The following SND1 variants were observed in gnomAD, a reference collection of about 807,000 sequenced individuals.
SND1 encodes staphylococcal nuclease domain-containing protein 1.
Under a neutral mutation model 121.7 loss-of-function variants are expected in SND1, and 38 were observed. The ratio of observed to expected loss-of-function variants is 0.31; its 90% CI spans 0.24 to 0.41. The LOEUF (loss-of-function observed/expected upper bound fraction) is 0.41. Among genes scored for constraint, SND1 ranks in the 10% least tolerant of loss-of-function variants. The pLI, the probability that SND1 is intolerant of heterozygous loss-of-function variation, is 1.00. For missense variants in SND1, 868 were observed against 1,184.6 expected (o/e 0.73, Z 3.92); for synonymous variants, 401 against 447.4 (o/e 0.90, Z 1.31).
In SND1 at chr7:128,052,802, T is replaced by C. The variant is rs1793069082; in HGVS notation, c.1780-21700T>C. On this transcript the variant is annotated intron_variant, in intron 16 of 23. Transcript: ENST00000354725. This position sits in a 1 kb window ranked among gnomAD's most constrained non-coding sequence, Gnocchi z 4.6. The stretch of plus-strand genomic sequence containing the variant: ...TGAAAATCATTCCCTCGGATTTCAG[T>C]GTTACTTCGATGGGTCCCTTGGGGC... Among the ~76,000 whole-genome samples, 1 of 152,216 alleles carries C rather than the reference T, an allele frequency of 6.6e-6. No individual in the cohort carries two copies. Among genetic ancestry groups the C allele is most frequent in the Non-Finnish European group, 1.5e-5 (1 of 68,040 alleles).
rs1200433595 is a variant in SND1 at position 127,686,730 on chromosome 7, A to C, written c.196A>C (p.Thr66Pro). 1 of 1,614,192 alleles carries C rather than the reference A, an allele frequency of 6.2e-7. No homozygotes were observed. Among genetic ancestry groups the C allele is most frequent in the Non-Finnish European group, 8.5e-7 (1 of 1,180,016 alleles). The part of the protein sequence containing the change: ...AGNLARRAAA[T>P]QPDAKDTPDE... ...AAATCTTGCTCGCCGGGCAGCCGCC[A>C]CACAACCTGATGCAAAGGATACCCC... Residue 66 changes from threonine (T) to proline (P), a missense_variant, in exon 2 of 24, where the codon ACA (threonine) becomes CCA (proline). Thr to Pro is a conservative substitution (Grantham distance 38). Transcript: ENST00000354725.
intron 16 of SND1, chr7:128,028,728 T>C (rs1179434942): frequency 1.9e-6 from 3 of 1,614,108 alleles, no homozygotes; most frequent in East Asian, 2.2e-5. Flanking sequence ...CTGAATTATA[T>C]AAGGTTCAGA....
chr7:127,745,710 C>G (rs372679667), intron 10 of SND1, among the ~76,000 whole-genome samples: 9 of 152,178 alleles, frequency 5.9e-5, no homozygotes, highest in Non-Finnish European at 7.4e-5. Flanking sequence ...AGGGCTACCA[C>G]AAAGTTACTT....
chr7:127,723,382 TTTTTTCTTTA>T (rs1391466869), intron 10 of SND1, among the ~76,000 whole-genome samples: 1 of 152,216 alleles, frequency 6.6e-6, no homozygotes, highest in Non-Finnish European at 1.5e-5. Context: ...TTTTTTCTTC[TTTTTTCTTTA>T]TTCTTTCTTT....
chr7:127,915,205 G>A (rs1306417453), intron 14 of SND1, among the ~76,000 whole-genome samples: 1 of 151,994 alleles, frequency 6.6e-6, no homozygotes, highest in Non-Finnish European at 1.5e-5. Flanking sequence ...GTAGAGATGG[G>A]GTTTTGCCAT....
chr7:128,039,924 C>G (rs1413657516), intron 16 of SND1, among the ~76,000 whole-genome samples: 1 of 152,172 alleles, frequency 6.6e-6, no homozygotes, highest in Non-Finnish European at 1.5e-5. Flanking sequence ...AATTTAAAGG[C>G]AGCTATAAAT....
intron 16 of SND1, among the ~76,000 whole-genome samples, chr7:128,056,979 T>C (rs549077223): frequency 9.7e-4 from 148 of 152,254 alleles, no homozygotes; most frequent in Admixed American, 2.2e-3. Flanking sequence ...AGAGGGTTAC[T>C]AAGTGAGTTA....
intron 13 of SND1, among the ~76,000 whole-genome samples, chr7:127,890,769 A>C (rs1361238327): frequency 2.6e-5 from 4 of 152,162 alleles, no homozygotes; most frequent in African/African-American, 9.6e-5. Context: ...TTTAAAATGA[A>C]AACAGCCTTT....
intron 16 of SND1, chr7:128,032,237 GCCGCGCAGCC>G (rs975987232): frequency 6.7e-6 from 1 of 149,436 alleles, no homozygotes; most frequent in Non-Finnish European, 1.5e-5. Context: ...GCCGGCCGGC[GCCGCGCAGCC>G]CCGCGCCTCC....
intron 12 of SND1, among the ~76,000 whole-genome samples, chr7:127,847,744 C>G (rs1799093120): frequency 6.6e-6 from 1 of 152,110 alleles, no homozygotes; most frequent in Non-Finnish European, 1.5e-5. Context: ...GCTCACTGCC[C>G]GAAGTGCGTA....
chr7:127,828,649 T>A (rs954640157), intron 11 of SND1, among the ~76,000 whole-genome samples: 15 of 152,316 alleles, frequency 9.8e-5, no homozygotes, highest in Admixed American at 8.5e-4. Flanking sequence ...TGTCTAAAAT[T>A]TTCTGGAAAA....
At position 127,774,565 on chromosome 7, in the gene SND1, A is replaced by G. The variant is rs551001264; in HGVS notation, c.1153-32919A>G. 7.9e-5 allele frequency among the ~76,000 whole-genome samples: 12 copies of G among 151,610 alleles called. No homozygotes were observed. In the South Asian group the frequency reaches 2.5e-3, roughly 32 times the overall value. On this transcript the variant is annotated intron_variant, in intron 10 of 23. Coordinates refer to ENST00000354725, the MANE Select transcript of SND1 (RefSeq NM_014390.4). ...GTCACGGTAAGTGCACCATACAAGC[A>G]TATCATTTTTTATCATTTTTTTTTT...
intron 11 of SND1, among the ~76,000 whole-genome samples, chr7:127,841,862 G>T (rs1033359252): frequency 6.6e-6 from 1 of 152,094 alleles, no homozygotes; most frequent in Non-Finnish European, 1.5e-5. Flanking sequence ...TTAAAGCTAG[G>T]TATCTAATTT....
At chr7:127,936,533 T>C (rs1283957002) in intron 15 of SND1, among the ~76,000 whole-genome samples, 1 of 152,180 alleles carries the variant, frequency 6.6e-6, no homozygotes, top group East Asian at 1.9e-4. Context: ...ATTTTTTACT[T>C]TCTTTTTCTT....
chr7:128,017,265 C>T (rs1285581445), intron 16 of SND1, among the ~76,000 whole-genome samples: 1 of 152,166 alleles, frequency 6.6e-6, no homozygotes, highest in Non-Finnish European at 1.5e-5. Flanking sequence ...ATGTGGCTTA[C>T]CTGCAAACCT....
chr7:128,012,574 G>A (rs1329163514), intron 16 of SND1, among the ~76,000 whole-genome samples: 1 of 152,180 alleles, frequency 6.6e-6, no homozygotes, highest in Non-Finnish European at 1.5e-5. Context: ...CCTCAGCTCT[G>A]CATCCGTATG....
chr7:127,679,623 G>A (rs1795677024), intron 1 of SND1, among the ~76,000 whole-genome samples: 1 of 152,138 alleles, frequency 6.6e-6, no homozygotes, highest in Non-Finnish European at 1.5e-5. Flanking sequence ...GGAACCACTA[G>A]TCTATGTTCT....
chr7:127,945,309 G>A (rs990227093), intron 15 of SND1, among the ~76,000 whole-genome samples: 1 of 152,056 alleles, frequency 6.6e-6, no homozygotes, highest in Non-Finnish European at 1.5e-5. Context: ...TGGCTAACAC[G>A]GTGAAACCCC....
intron 10 of SND1, among the ~76,000 whole-genome samples, chr7:127,757,358 T>C (rs930668068): frequency 6.6e-6 from 1 of 152,240 alleles, no homozygotes; most frequent in Admixed American, 6.5e-5. Flanking sequence ...AGCCTGGGTC[T>C]ATTATGATAA....
Sources: allele counts gnomAD v4.1 joint callset (sites outside exome capture counted in the v4.1 genomes callset), GRCh38; gene constraint gnomAD v4.1.1; non-coding constraint Gnocchi (gnomAD v3.1); transcripts MANE v1.5; gene names NCBI Gene and HGNC (gene_info 2026-07-23, HGNC 2026-07-21).